ENTPD2: variants seen among roughly 807,000 people sequenced by gnomAD.
ENTPD2 encodes the protein CD39 antigen-like 1.
ENTPD2 carries 48 observed loss-of-function variants against 46.8 expected under a neutral mutation model. The ratio of observed to expected loss-of-function variants is 1.03; its 90% CI spans 0.81 to 1.30. The LOEUF is 1.30. Ranked by LOEUF, ENTPD2 falls within the 50% of genes most tolerant of loss-of-function variation. ENTPD2 has a pLI of 0.00. For synonymous variants in ENTPD2, 316 were observed against 286.1 expected (o/e 1.10, Z -1.06); for missense variants, 707 against 651.1 (o/e 1.09, Z -0.93).
intron 1 of ENTPD2, 146 bp from the exon 2 acceptor site, chr9:137,052,494 G>C: frequency 1.6e-6 from 1 of 626,444 alleles, no homozygotes; most frequent in South Asian, 1.9e-5. Context: ...GCTCAGAGGA[G>C]GCCAGGGCCT....
chr9:137,050,001 G>C lies in ENTPD2; in HGVS notation c.1030-12C>G. On this transcript the variant is annotated splice_polypyrimidine_tract_variant and intron_variant, in intron 6 of 8. Coordinates refer to ENST00000355097, the MANE Select transcript of ENTPD2 (RefSeq NM_203468.3). ...AAGGCAGAGAAGGCCTGTAGGGGGC[G>C]CAGTCACACTGTGACCGAACCCCAG... 1.2e-6 allele frequency: 2 copies of C among 1,608,830 alleles called. No homozygotes were observed. Among genetic ancestry groups the C allele is most frequent in the Non-Finnish European group, 1.7e-6 (2 of 1,177,924 alleles).
intron 1 of ENTPD2, among the ~76,000 whole-genome samples, chr9:137,053,527 C>A (rs1220448104): frequency 6.6e-6 from 1 of 152,226 alleles, no homozygotes; most frequent in Non-Finnish European, 1.5e-5. Context: ...CCTGGGGGCC[C>A]GCACAGGCCT....
At chr9:137,051,716 G>A (rs1832302596) in intron 2 of ENTPD2, 56 bp from the exon 3 acceptor site, 27 of 1,534,974 alleles carry the variant, frequency 1.8e-5, no homozygotes, top group South Asian at 3.8e-5. Flanking sequence ...TAGGTGGGCC[G>A]TAGGCCAGGA....
intron 1 of ENTPD2, 91 bp downstream of exon 1, chr9:137,053,790 G>T: frequency 1.1e-6 from 1 of 884,174 alleles, no homozygotes; most frequent in South Asian, 5.8e-5. Context: ...GTCCCGGGCT[G>T]ATCCTGCTCA....
At position 137,049,964 on chromosome 9, in the gene ENTPD2, A is replaced by C; in HGVS notation, c.1055T>G (p.Val352Gly). The change falls in exon 7 of 9, where the codon GTG becomes GGG. Residue 352 changes from valine (V) to glycine (G), a missense_variant. Val to Gly is a moderately radical substitution (Grantham distance 109). Transcript: ENST00000355097. ...CCCCATCGAAGTCCGCAAAAAGTCC[A>C]CAGTGTAGAAGAAGGCAGAGAAGGC... ...FVAFSAFFYT[V>G]DFLRTSMGLP... The C allele has an allele frequency of 6.2e-7, 1 of 1,612,640 alleles. No homozygotes were observed. Among genetic ancestry groups the C allele is most frequent in the Non-Finnish European group, 8.5e-7 (1 of 1,179,832 alleles).
chr9:137,052,390 G>GCCCTGACA, intron 1 of ENTPD2, 42 bp from the exon 2 acceptor site: 1 of 1,397,546 alleles, frequency 7.2e-7, no homozygotes, highest in Non-Finnish European at 1.0e-6. Flanking sequence ...GTGTCCGGGG[G>GCCCTGACA]CCCTGACACC....
intron 5 of ENTPD2, 34 bp downstream of exon 5, chr9:137,050,868 A>T (rs1160461210): frequency 1.3e-6 from 2 of 1,598,168 alleles, no homozygotes; most frequent in Non-Finnish European, 1.7e-6. Flanking sequence ...AGGAGGGAAC[A>T]GTGCAGTGCA....
At chr9:137,052,437 C>T (rs7041887) in intron 1 of ENTPD2, 89 bp from the exon 2 acceptor site, 3 of 976,470 alleles carry the variant, frequency 3.1e-6, no homozygotes, top group Non-Finnish European at 2.9e-6. Context: ...CTCCAGTTTG[C>T]CACCGCTCCC....
intron 2 of ENTPD2, among the ~76,000 whole-genome samples, chr9:137,051,877 G>A (rs145560527): frequency 4.4e-4 from 67 of 152,344 alleles, no homozygotes; most frequent in African/African-American, 1.5e-3. Flanking sequence ...TGTGGGTGCA[G>A]GTGCTAGGAC....
intron 2 of ENTPD2, 57 bp from the exon 3 acceptor site, chr9:137,051,717 T>C (rs1832302637): frequency 6.6e-7 from 1 of 1,522,102 alleles, no homozygotes; most frequent in South Asian, 1.3e-5. Flanking sequence ...AGGTGGGCCG[T>C]AGGCCAGGAG....
chr9:137,051,715 C>G, intron 2 of ENTPD2, 55 bp from the exon 3 acceptor site: 1 of 1,523,866 alleles, frequency 6.6e-7, no homozygotes, highest in Non-Finnish European at 8.8e-7. Context: ...CTAGGTGGGC[C>G]GTAGGCCAGG....
chr9:137,052,151 C>T, intron 2 of ENTPD2, 80 bp downstream of exon 2: 1 of 1,295,248 alleles, frequency 7.7e-7, no homozygotes, highest in South Asian at 1.3e-5. Flanking sequence ...AGCAGAAGGA[C>T]CTGCACTGGC....
At position 137,049,852 on chromosome 9, in the gene ENTPD2, A is replaced by AG; in HGVS notation, c.1149+17dup. On this transcript the variant is annotated intron_variant, in intron 7 of 8. Coordinates refer to ENST00000355097, the MANE Select transcript of ENTPD2 (RefSeq NM_203468.3). ...GAGCCCTTCCGCACAGCCCTGAAGG[A>AG]GTGGGAGCGGGGCTCACCTGAGCCC... The AG allele has an allele frequency of 6.2e-7, 1 of 1,605,072 alleles. No homozygotes were observed. Among genetic ancestry groups the AG allele is most frequent in the South Asian group, 1.1e-5 (1 of 90,070 alleles).
Position 137,049,300 on chromosome 9 carries a change from G to T in ENTPD2, c.1150-225C>A, listed in dbSNP as rs922852621. The T allele has an allele frequency of 1.2e-5, 9 of 778,444 alleles. No individual in the cohort carries two copies. The Admixed American group carries it at 1.8e-4, about 16-fold the overall frequency. 48.2% of individuals were successfully genotyped at this position (778,444 alleles called of 1,614,324 possible). On this transcript the variant is annotated intron_variant, in intron 7 of 8. Transcript: ENST00000355097. ...CCCCAGCCAGCGCCCATGCCTGGAA[G>T]GCCAGTGAGGAGGGACAGCAGGCAT...
Position 137,050,514 on chromosome 9 carries a change from G to A in ENTPD2, c.799C>T (p.Pro267Ser), listed in dbSNP as rs143961573. The A allele has an allele frequency of 1.9e-6, 3 of 1,612,672 alleles. No individual in the cohort carries two copies. The highest frequency in any genetic ancestry group is 2.5e-6 in the Non-Finnish European group (3 of 1,179,916). ...AGCACTTGGGTGGAAAAGCCCCTCG[G>A]CCAGCAGGGGTGGAAGCCGTGGGTC... ...LQTHGFHPCW[P>S]RGFSTQVLLG... The change falls in exon 6 of 9, where the codon CCG becomes TCG. Residue 267 changes from proline to serine, a missense_variant. Physicochemically the swap from Pro to Ser is moderately conservative, Grantham distance 74. Transcript: ENST00000355097.
At position 137,050,485 on chromosome 9, in the gene ENTPD2, G is replaced by C. The variant is rs558487969; in HGVS notation, c.828C>G (p.Leu276=). ...WPRGFSTQVL[L]GDVYQSPCTM... ...TGCATGGTGACTGGTACACATCCCC[G>C]AGCAGCACTTGGGTGGAAAAGCCCC... Residue 276 remains leucine, a synonymous_variant, in exon 6 of 9, where the codon CTC becomes CTG. Coordinates refer to ENST00000355097, the MANE Select transcript of ENTPD2 (RefSeq NM_203468.3). 1.2e-6 allele frequency: 2 copies of C among 1,612,798 alleles called. No individual in the cohort carries two copies. The highest frequency in any genetic ancestry group is 1.7e-6 in the Non-Finnish European group (2 of 1,179,978).
chr9:137,052,387 G>A, intron 1 of ENTPD2, 39 bp from the exon 2 acceptor site: 1 of 1,415,478 alleles, frequency 7.1e-7, no homozygotes, highest in Non-Finnish European at 9.9e-7. Flanking sequence ...GGGGTGTCCG[G>A]GGGCCCTGAC....
chr9:137,049,736 T>C, intron 7 of ENTPD2, 134 bp downstream of exon 7: 1 of 1,061,226 alleles, frequency 9.4e-7, no homozygotes, highest in Non-Finnish European at 1.3e-6. Context: ...ACCTCTGGAG[T>C]CAGCCTAATG....
rs139476891 is a variant in ENTPD2 at position 137,051,379 on chromosome 9, C to T, written c.387-9G>A. ...CCTCTGGATTGGTCAGGCTGCAAAACACAGAGAACTCCAAGAGGCCTTCTC... is the reference window on the plus strand; with the variant it reads ...CCTCTGGATTGGTCAGGCTGCAAAATACAGAGAACTCCAAGAGGCCTTCTC... On this transcript the variant is annotated splice_polypyrimidine_tract_variant and intron_variant, in intron 3 of 8. Coordinates refer to ENST00000355097, the MANE Select transcript of ENTPD2 (RefSeq NM_203468.3). The T allele has an allele frequency of 2.4e-5, 37 of 1,545,170 alleles. No individual in the cohort carries two copies. The African/African-American group carries it at 3.2e-4, about 13-fold the overall frequency.
Sources: gnomAD v4.1 joint callset for allele counts (sites outside exome capture counted in the v4.1 genomes callset) on GRCh38, gnomAD v4.1.1 for gene constraint, MANE v1.5 for transcripts, NCBI Gene and HGNC (gene_info 2026-07-23, HGNC 2026-07-21) for gene names.